Variants in SLC9C1 observed in about 807,000 individuals in gnomAD.
SLC9C1 encodes sodium/hydrogen exchanger 10.
SLC9C1 carries 97 observed loss-of-function variants against 140.9 expected under a neutral mutation model. That is an observed-to-expected ratio of 0.69 (90% CI 0.58 to 0.82). SLC9C1 has a LOEUF of 0.82. SLC9C1 is among the 40% of genes least tolerant of loss of function. The probability of loss-of-function intolerance (pLI) is 0.00; values close to 1 mark genes in which losing one functional copy is unlikely to be tolerated. For synonymous variants in SLC9C1, 440 were observed against 442.6 expected (o/e 0.99, Z 0.07); for missense variants, 1,340 against 1,389.3 (o/e 0.96, Z 0.56).
rs763722310 is a variant in SLC9C1 at position 112,208,297 on chromosome 3, T to C, written c.1867A>G (p.Met623Val). The C allele has an allele frequency of 6.2e-7, 1 of 1,610,118 alleles. No homozygotes were observed. The highest frequency in any genetic ancestry group is 1.1e-5 in the South Asian group (1 of 90,812). ...GAGATTATAAAGGGAAATATATTCATTAATATCACAAGGTATCCAACATGT... is the reference window on the plus strand; with the variant it reads ...GAGATTATAAAGGGAAATATATTCACTAATATCACAAGGTATCCAACATGT... ...FEHVGYLVIL[M>V]NIFPFIISWI... The change falls in exon 16 of 29, where the codon ATG (methionine) becomes GTG (valine). Residue 623 changes from methionine (M) to valine (V), a missense_variant. Transcript: ENST00000305815.
chr3:112,247,978 T>G (rs745934815), intron 10 of SLC9C1, among the ~76,000 whole-genome samples: 21 of 152,062 alleles, frequency 1.4e-4, no homozygotes, highest in Non-Finnish European at 2.5e-4. Flanking sequence ...TCACTTCTAA[T>G]AAATAGAATA....
At position 112,234,697 on chromosome 3, in the gene SLC9C1, G is replaced by A. The variant is rs945373294; in HGVS notation, c.1447-3211C>T. Among the ~76,000 whole-genome samples the A allele has an allele frequency of 2.6e-5, 4 of 152,238 alleles. No individual in the cohort carries two copies. The East Asian group carries it at 7.7e-4, about 29-fold the overall frequency. Reference sequence around the variant, plus strand: ...ATCCAGTTTCAGCTTTCTACATATGGCTAGCCAGTTTTCCCAGCACCGTTT... The same window carrying A: ...ATCCAGTTTCAGCTTTCTACATATGACTAGCCAGTTTTCCCAGCACCGTTT... On this transcript the variant is annotated intron_variant, in intron 12 of 28. Coordinates refer to ENST00000305815, the MANE Select transcript of SLC9C1 (RefSeq NM_183061.3).
intron 20 of SLC9C1, among the ~76,000 whole-genome samples, chr3:112,194,241 T>C (rs1453973391): frequency 6.6e-6 from 1 of 152,152 alleles, no homozygotes; most frequent in African/African-American, 2.4e-5. Flanking sequence ...TGTGGTGGCA[T>C]TGGGGGCCAG....
At chr3:112,232,442 C>A (rs1005803300) in intron 12 of SLC9C1, among the ~76,000 whole-genome samples, 1 of 152,136 alleles carries the variant, frequency 6.6e-6, no homozygotes, top group Non-Finnish European at 1.5e-5. Context: ...CTAGAGAAAT[C>A]TTTGGATATG....
intron 25 of SLC9C1, 114 bp downstream of exon 25, chr3:112,168,763 G>T: frequency 9.9e-7 from 1 of 1,008,076 alleles, no homozygotes; most frequent in Non-Finnish European, 1.4e-6. Flanking sequence ...GGTGGGAAAA[G>T]GGAGAAGATT....
intron 23 of SLC9C1, among the ~76,000 whole-genome samples, chr3:112,172,409 T>G (rs531576669): frequency 4.4e-4 from 67 of 152,294 alleles, no homozygotes; most frequent in African/African-American, 1.5e-3. Flanking sequence ...AATTTGGACT[T>G]GTATTTTACC....
At chr3:112,209,956 T>C (rs927082086) in intron 15 of SLC9C1, among the ~76,000 whole-genome samples, 1 of 152,184 alleles carries the variant, frequency 6.6e-6, no homozygotes, top group African/African-American at 2.4e-5. Context: ...TTGACCTTTT[T>C]CTCTATTTTG....
chr3:112,161,786 A>C (rs979164385), intron 26 of SLC9C1, among the ~76,000 whole-genome samples: 1 of 151,648 alleles, frequency 6.6e-6, no homozygotes, highest in African/African-American at 2.4e-5. Context: ...ACTTTAAAGT[A>C]GTTTTTCCAA....
At chr3:112,190,851 G>T (rs973206986) in intron 20 of SLC9C1, among the ~76,000 whole-genome samples, 2 of 150,370 alleles carry the variant, frequency 1.3e-5, no homozygotes, top group Non-Finnish European at 3.0e-5. Context: ...TATTTTCCAT[G>T]TTTGCTTTTA....
chr3:112,170,897 A>G (rs1442168121), intron 23 of SLC9C1, among the ~76,000 whole-genome samples: 1 of 152,186 alleles, frequency 6.6e-6, no homozygotes, highest in African/African-American at 2.4e-5. Context: ...TTGTTGCAAC[A>G]TTTTACACTC....
At chr3:112,179,460 T>C (rs2077398282) in intron 23 of SLC9C1, 71 bp downstream of exon 23, 1 of 1,477,756 alleles carries the variant, frequency 6.8e-7, no homozygotes, top group African/African-American at 1.4e-5. Context: ...TTATACTAAA[T>C]ACTAAAATAA....
intron 20 of SLC9C1, among the ~76,000 whole-genome samples, chr3:112,191,551 A>G (rs1381325015): frequency 2.6e-5 from 4 of 152,100 alleles, no homozygotes; most frequent in Admixed American, 1.3e-4. Context: ...CCACTTTACC[A>G]ATTGTGGTGA....
At position 112,266,416 on chromosome 3, in the gene SLC9C1, T is replaced by C; in HGVS notation, c.776-76A>G. 2.6e-6 allele frequency: 3 copies of C among 1,145,390 alleles called. No individual in the cohort carries two copies. The South Asian group carries it at 4.6e-5, about 18-fold the overall frequency. 71.0% of individuals were successfully genotyped at this position (1,145,390 alleles called of 1,614,324 possible). A position where few individuals can be genotyped will look rare whatever the true frequency, so the allele number is the denominator to read the frequency against. Reference sequence around the variant, plus strand: ...GCACAAATTTTACCCGAGTTAAAAGTATCAGATGTTGTGACAGTACCATGA... The same window carrying C: ...GCACAAATTTTACCCGAGTTAAAAGCATCAGATGTTGTGACAGTACCATGA... On this transcript the variant is annotated intron_variant, in intron 7 of 28. Coordinates refer to ENST00000305815, the MANE Select transcript of SLC9C1 (RefSeq NM_183061.3).
intron 16 of SLC9C1, among the ~76,000 whole-genome samples, chr3:112,206,933 A>G (rs3929356): frequency 0.3 from 45,352 of 151,576 alleles, 7,025 homozygotes; most frequent in East Asian, 0.36. Context: ...AACATGGCAC[A>G]TGTTTACATA....
chr3:112,141,190 T>G lies in SLC9C1; in HGVS notation c.*82A>C. ...GGATCCAACCTGAAGTTACTCCTTC[T>G]TGATGTAGGGAAGTGTGTTTCTGCA... On this transcript the variant is annotated 3_prime_UTR_variant, in exon 29 of 29. Coordinates refer to ENST00000305815, the MANE Select transcript of SLC9C1 (RefSeq NM_183061.3). 7.2e-7 allele frequency: 1 copy of G among 1,388,100 alleles called. No homozygotes were observed. The highest frequency in any genetic ancestry group is 1.7e-5 in the South Asian group (1 of 59,524). The allele number at this position is 1,388,100 out of a possible 1,614,324, so 86.0% of individuals were successfully genotyped here.
chr3:112,213,466 C>A (rs1413135342), intron 15 of SLC9C1, among the ~76,000 whole-genome samples: 1 of 152,114 alleles, frequency 6.6e-6, no homozygotes, highest in Non-Finnish European at 1.5e-5. Context: ...GGACCCATCT[C>A]ATGTACAGAG....
chr3:112,212,483 A>G (rs557138126), intron 15 of SLC9C1, among the ~76,000 whole-genome samples: 3 of 152,224 alleles, frequency 2.0e-5, no homozygotes, highest in Admixed American at 6.5e-5. Flanking sequence ...ATGGCTAACT[A>G]GAATAACCAG....
chr3:112,237,530 T>G (rs965203487), intron 12 of SLC9C1, among the ~76,000 whole-genome samples: 11 of 152,214 alleles, frequency 7.2e-5, no homozygotes, highest in Non-Finnish European at 1.2e-4. Flanking sequence ...GCTCGTTAGT[T>G]GATGCAGTTT....
chr3:112,153,809 G>A (rs2075053907), intron 27 of SLC9C1, among the ~76,000 whole-genome samples: 1 of 152,176 alleles, frequency 6.6e-6, no homozygotes, highest in African/African-American at 2.4e-5. Flanking sequence ...TCATACCAGA[G>A]CCCAGATTCT....
Sources: gnomAD v4.1 joint callset for allele counts (sites outside exome capture counted in the v4.1 genomes callset) on GRCh38, gnomAD v4.1.1 for gene constraint, MANE v1.5 for transcripts, NCBI Gene and HGNC (gene_info 2026-07-23, HGNC 2026-07-21) for gene names.